The following MRTFA variants were observed in gnomAD, a reference collection of about 807,000 sequenced individuals.
The protein encoded by MRTFA is myocardin related transcription factor A.
In MRTFA, 20 loss-of-function variants were observed where a neutral mutation model predicts 83.5. That is an observed-to-expected ratio of 0.24 (90% confidence interval 0.17 to 0.35). The LOEUF is 0.35. Ranked by LOEUF, MRTFA falls within the 10% of genes least tolerant of loss-of-function variation. The pLI, the probability that MRTFA is intolerant of heterozygous loss-of-function variation, is 1.00. For missense variants in MRTFA, 1,200 were observed against 1,224.7 expected, an observed-to-expected ratio of 0.98 and a Z score of 0.30; for synonymous variants, 659 against 541.2, an observed-to-expected ratio of 1.22 and a Z score of -3.02.
At chr22:40,588,944 T>C (rs1363445498) in intron 2 of MRTFA, among the ~76,000 whole-genome samples, 1 of 152,072 alleles carries the variant, frequency 6.6e-6, no homozygotes, top group Admixed American at 6.6e-5. Context: ...ATTGCGCCAC[T>C]GCATTCCAGC....
intron 2 of MRTFA, among the ~76,000 whole-genome samples, chr22:40,580,820 C>T (rs1329727692): frequency 6.6e-6 from 1 of 152,102 alleles, no homozygotes; most frequent in East Asian, 1.9e-4. Flanking sequence ...ACTATGCTGT[C>T]CAGGCTACAC....
At chr22:40,434,503 C>A (rs2053129928) in intron 5 of MRTFA, among the ~76,000 whole-genome samples, 1 of 152,062 alleles carries the variant, frequency 6.6e-6, no homozygotes, top group African/African-American at 2.4e-5. Context: ...AGGCAGATCA[C>A]TTGAGGCCAA....
chr22:40,534,130 T>G (rs2055128070), intron 3 of MRTFA, among the ~76,000 whole-genome samples: 1 of 152,040 alleles, frequency 6.6e-6, no homozygotes, highest in Non-Finnish European at 1.5e-5. Context: ...TGATGAGAGG[T>G]GGGGAAGAAG....
At chr22:40,591,551 T>G (rs1435133799) in intron 2 of MRTFA, among the ~76,000 whole-genome samples, 1 of 152,138 alleles carries the variant, frequency 6.6e-6, no homozygotes, top group Non-Finnish European at 1.5e-5. Flanking sequence ...TCAAAGGAAG[T>G]TTAAAAATGG....
intron 1 of MRTFA, among the ~76,000 whole-genome samples, 152 bp from the exon 2 acceptor site, chr22:40,594,887 TAA>T (rs776075354): frequency 2.3e-4 from 24 of 104,958 alleles, no homozygotes; most frequent in East Asian, 5.4e-4. Context: ...TGTCACTGGT[TAA>T]AAAAAAAAAA....
chr22:40,411,302 A>T lies in MRTFA; in HGVS notation c.*88T>A. Reference sequence around the variant, plus strand: ...GCTGTGATTGTCAAGACTCACAACCATGTGGAGAGGCCGAATCACGCAGGA... The same window carrying T: ...GCTGTGATTGTCAAGACTCACAACCTTGTGGAGAGGCCGAATCACGCAGGA... On this transcript the variant is annotated 3_prime_UTR_variant, in exon 15 of 15. Coordinates refer to ENST00000355630, the MANE Select transcript of MRTFA (RefSeq NM_020831.6). 7.2e-7 allele frequency: 1 copy of T among 1,380,752 alleles called. No individual in the cohort carries two copies. Among genetic ancestry groups the T allele is most frequent in the Non-Finnish European group, 9.8e-7 (1 of 1,019,336 alleles). The allele number at this position is 1,380,752 out of a possible 1,614,324, so 85.5% of individuals were successfully genotyped here.
intron 3 of MRTFA, among the ~76,000 whole-genome samples, chr22:40,550,359 C>A (rs748109538): frequency 2.6e-5 from 4 of 151,868 alleles, no homozygotes; most frequent in Non-Finnish European, 4.4e-5. Context: ...TAAGGAGATA[C>A]GTGTCCTAAC....
At chr22:40,636,452 G>A (rs2056702203) in intron 1 of MRTFA, 26 bp downstream of exon 1, 1 of 152,258 alleles carries the variant, frequency 6.6e-6, no homozygotes, top group Non-Finnish European at 1.5e-5. Context: ...GTGGGGGAGG[G>A]GTCCCCAACC....
At chr22:40,516,829 G>A (rs1032723756) in intron 3 of MRTFA, among the ~76,000 whole-genome samples, 11 of 152,096 alleles carry the variant, frequency 7.2e-5, no homozygotes, top group African/African-American at 2.4e-4. Context: ...AGGGCTCATC[G>A]TACAAGAGCT....
At position 40,620,282 on chromosome 22, in the gene MRTFA, G is replaced by A. The variant is rs185863399; in HGVS notation, c.-84+16196C>T. ...TGGGATTACAGGCATGCATTACCAC[G>A]CCTGGCTAATTTTGTATTTTTAGTA... On this transcript the variant is annotated intron_variant, in intron 1 of 14. Transcript: ENST00000355630. Among the ~76,000 whole-genome samples the A allele has an allele frequency of 4.9e-4, 74 of 151,872 alleles. No individual in the cohort carries two copies. The East Asian group carries it at 6.8e-3, about 14-fold the overall frequency.
At chr22:40,511,866 T>C (rs2054673710) in intron 3 of MRTFA, among the ~76,000 whole-genome samples, 1 of 152,232 alleles carries the variant, frequency 6.6e-6, no homozygotes. Context: ...ATGTCTTGCC[T>C]CACTCAGTTT....
chr22:40,584,353 C>A (rs553487786), intron 2 of MRTFA, among the ~76,000 whole-genome samples: 2 of 152,334 alleles, frequency 1.3e-5, no homozygotes, highest in South Asian at 2.1e-4. Context: ...TCCATACATA[C>A]AACCATAGTG....
At chr22:40,588,886 G>A (rs1427057845) in intron 2 of MRTFA, among the ~76,000 whole-genome samples, 1 of 152,114 alleles carries the variant, frequency 6.6e-6, no homozygotes, top group Non-Finnish European at 1.5e-5. Context: ...GGAGGCTGAG[G>A]CAGGATGACT....
intron 4 of MRTFA, among the ~76,000 whole-genome samples, chr22:40,452,306 A>G (rs1210885346): frequency 2.6e-5 from 4 of 152,048 alleles, no homozygotes; most frequent in Admixed American, 2.6e-4. Context: ...AATCACCACC[A>G]TCATCAGTTA....
At chr22:40,576,464 CA>C (rs1403628938) in intron 2 of MRTFA, among the ~76,000 whole-genome samples, 5 of 152,306 alleles carry the variant, frequency 3.3e-5, no homozygotes, top group Middle Eastern at 6.8e-3. Context: ...ATAATCCTAG[CA>C]TCTCCCTAAA....
intron 3 of MRTFA, among the ~76,000 whole-genome samples, chr22:40,520,340 T>C (rs1347879581): frequency 6.6e-6 from 1 of 152,232 alleles, no homozygotes; most frequent in African/African-American, 2.4e-5. Context: ...ACATTTCATT[T>C]AAATGGAATC....
intron 3 of MRTFA, chr22:40,519,373 G>C: frequency 7.9e-7 from 1 of 1,263,734 alleles, no homozygotes. Flanking sequence ...AACCTTGGAG[G>C]GTTTTGTGTA....
chr22:40,470,294 A>C, intron 3 of MRTFA, among the ~76,000 whole-genome samples: 1 of 122,790 alleles, frequency 8.1e-6, no homozygotes. Flanking sequence ...GAAACATAAT[A>C]AAGAGCAAAA....
chr22:40,452,423 G>A (rs9611356), intron 4 of MRTFA, among the ~76,000 whole-genome samples: 2 of 152,190 alleles, frequency 1.3e-5, no homozygotes, highest in Admixed American at 6.5e-5. Flanking sequence ...CTCTTGATAA[G>A]AAGTTAGCCT....
Sources: allele counts gnomAD v4.1 joint callset (sites outside exome capture counted in the v4.1 genomes callset), GRCh38; gene constraint gnomAD v4.1.1; transcripts MANE v1.5; gene names NCBI Gene and HGNC (gene_info 2026-07-23, HGNC 2026-07-21).